CDH18: variants seen among roughly 807,000 people sequenced by gnomAD.
The protein encoded by CDH18 is cadherin-18.
CDH18 carries 31 observed loss-of-function variants against 67.9 expected under a neutral mutation model. That is an observed-to-expected ratio of 0.46 (90% confidence interval 0.34 to 0.62). The LOEUF (loss-of-function observed/expected upper bound fraction) is 0.62. Ranked by LOEUF, CDH18 falls within the 20% of genes least tolerant of loss-of-function variation. CDH18 has a pLI of 0.01. For synonymous variants in CDH18, 362 were observed against 347.2 expected, an observed-to-expected ratio of 1.04 and a Z score of -0.48; for missense variants, 890 against 975.5, an observed-to-expected ratio of 0.91 and a Z score of 1.17.
intron 2 of CDH18, among the ~76,000 whole-genome samples, chr5:19,854,567 C>A (rs531043369): frequency 1.3e-5 from 2 of 151,986 alleles, no homozygotes; most frequent in Non-Finnish European, 1.5e-5. Context: ...ATACTTAGCA[C>A]TATGTAAAAT....
chr5:20,352,147 T>C (rs1741232455), intron 1 of CDH18, among the ~76,000 whole-genome samples: 1 of 152,214 alleles, frequency 6.6e-6, no homozygotes, highest in African/African-American at 2.4e-5. Context: ...GATCCATTTA[T>C]AGCAGATTTT....
intron 1 of CDH18, among the ~76,000 whole-genome samples, chr5:20,458,057 CAATT>C (rs1750965208): frequency 6.6e-6 from 1 of 152,088 alleles, no homozygotes; most frequent in Non-Finnish European, 1.5e-5. Flanking sequence ...GTCAGGAAAA[CAATT>C]AAGTGTTTCA....
intron 5 of CDH18, among the ~76,000 whole-genome samples, chr5:19,657,488 T>C (rs1439848098): frequency 6.6e-6 from 1 of 152,102 alleles, no homozygotes; most frequent in African/African-American, 2.4e-5. Context: ...TTAGATATTA[T>C]TTGAAATACA....
chr5:19,787,916 G>C (rs1225791886), intron 3 of CDH18, among the ~76,000 whole-genome samples: 1 of 151,382 alleles, frequency 6.6e-6, no homozygotes, highest in South Asian at 2.1e-4. Context: ...AAGTATATCA[G>C]ATAAGTAATA....
In CDH18 at chr5:19,974,871, T is replaced by C. The variant is rs533013065; in HGVS notation, c.-257+6189A>G. On this transcript the variant is annotated intron_variant, in intron 2 of 12. Coordinates refer to ENST00000382275, the MANE Select transcript of CDH18 (RefSeq NM_004934.5). Reference sequence around the variant, plus strand: ...CTGGCCTGTGAAGAGGCATTATGGATGGAAGAGGAAAGCTGGGCATGCTCC... The same window carrying C: ...CTGGCCTGTGAAGAGGCATTATGGACGGAAGAGGAAAGCTGGGCATGCTCC... Among the ~76,000 whole-genome samples, 7 of 152,204 alleles carry C rather than the reference T, an allele frequency of 4.6e-5. No individual in the cohort carries two copies. The South Asian group carries it at 1.5e-3, about 32-fold the overall frequency.
intron 3 of CDH18, among the ~76,000 whole-genome samples, chr5:19,777,680 A>T (rs1047091142): frequency 1.3e-5 from 2 of 152,232 alleles, no homozygotes; most frequent in Non-Finnish European, 2.9e-5. Flanking sequence ...AGAATTGCCA[A>T]ATAAATATCT....
intron 5 of CDH18, among the ~76,000 whole-genome samples, chr5:19,627,115 C>T (rs1455007802): frequency 6.6e-6 from 1 of 152,072 alleles, no homozygotes; most frequent in Admixed American, 6.6e-5. Flanking sequence ...AATCGTGTCA[C>T]CTTGGTAACT....
chr5:20,347,336 CACAA>C (rs1363997976), intron 1 of CDH18, among the ~76,000 whole-genome samples: 22 of 152,188 alleles, frequency 1.4e-4, no homozygotes, highest in Non-Finnish European at 2.6e-4. Flanking sequence ...TTGACTGCCA[CACAA>C]ACAATGTCCC....
chr5:19,811,161 G>GAGA (rs1491122708), intron 3 of CDH18, among the ~76,000 whole-genome samples: 2 of 27,566 alleles, frequency 7.3e-5, no homozygotes, highest in Non-Finnish European at 1.4e-4. Context: ...AAAGAAAGAA[G>GAGA]GAGAGAAAGA....
chr5:19,955,570 C>A (rs975780291), intron 2 of CDH18, among the ~76,000 whole-genome samples: 19 of 151,988 alleles, frequency 1.3e-4, no homozygotes, highest in African/African-American at 4.1e-4. Flanking sequence ...AGTGCTGCTC[C>A]TAGTTTTAAC....
chr5:19,666,237 TTTATTATTA>T (rs70950082), intron 5 of CDH18, among the ~76,000 whole-genome samples: 1,944 of 128,108 alleles, frequency 0.015, 25 homozygotes, highest in African/African-American at 0.046. Flanking sequence ...CTGTATGATT[TTTATTATTA>T]TTATTATTAT....
At chr5:19,905,248 T>C (rs1255365580) in intron 2 of CDH18, among the ~76,000 whole-genome samples, 1 of 152,122 alleles carries the variant, frequency 6.6e-6, no homozygotes. Flanking sequence ...TTTAATTACA[T>C]TTTGATTTAG....
chr5:19,505,670 ACTTGAT>A (rs1233280819), intron 10 of CDH18, among the ~76,000 whole-genome samples: 1 of 152,130 alleles, frequency 6.6e-6, no homozygotes, highest in Non-Finnish European at 1.5e-5. Context: ...GATGAAGCTC[ACTTGAT>A]CATGGTGGAT....
chr5:20,067,396 G>T (rs1381198105), intron 2 of CDH18, among the ~76,000 whole-genome samples: 1 of 151,218 alleles, frequency 6.6e-6, no homozygotes, highest in Non-Finnish European at 1.5e-5. Context: ...GCGCTCATGT[G>T]TTGTGTTTTG....
intron 12 of CDH18, among the ~76,000 whole-genome samples, chr5:19,479,047 T>G (rs1738963399): frequency 6.6e-6 from 1 of 152,206 alleles, no homozygotes; most frequent in Admixed American, 6.5e-5. Context: ...TTGTAAAATG[T>G]TGAACCATAT....
chr5:19,561,530 T>C (rs886819029), intron 8 of CDH18, among the ~76,000 whole-genome samples: 2 of 152,004 alleles, frequency 1.3e-5, no homozygotes, highest in Non-Finnish European at 2.9e-5. Flanking sequence ...GGGTGAGGAA[T>C]AAACACTACA....
At chr5:19,745,700 G>C (rs1192159010) in intron 4 of CDH18, among the ~76,000 whole-genome samples, 1 of 152,060 alleles carries the variant, frequency 6.6e-6, no homozygotes, top group Non-Finnish European at 1.5e-5. Context: ...GCTCCTGCAG[G>C]CTGGTTCCTG....
chr5:19,974,944 A>G (rs987048352), intron 2 of CDH18, among the ~76,000 whole-genome samples: 2 of 152,236 alleles, frequency 1.3e-5, no homozygotes, highest in Middle Eastern at 3.4e-3. Context: ...AGGGCCATCT[A>G]GGAACTCTAT....
At chr5:19,802,824 AT>A (rs1370232166) in intron 3 of CDH18, among the ~76,000 whole-genome samples, 1 of 152,152 alleles carries the variant, frequency 6.6e-6, no homozygotes. Context: ...GAAAAATATT[AT>A]TTACGGTTGT....
Sources: allele counts gnomAD v4.1 joint callset (sites outside exome capture counted in the v4.1 genomes callset), GRCh38; gene constraint gnomAD v4.1.1; transcripts MANE v1.5; gene names NCBI Gene and HGNC (gene_info 2026-07-23, HGNC 2026-07-21).